The following PCDH9 variants were observed in gnomAD, a reference collection of about 807,000 sequenced individuals.
The protein encoded by PCDH9 is protocadherin 9.
A neutral mutation model predicts 70.6 loss-of-function variants in PCDH9; 24 were observed. That is an observed-to-expected ratio of 0.34 (90% CI 0.25 to 0.48). The LOEUF is 0.48. Ranked by LOEUF, PCDH9 falls within the 20% of genes least tolerant of loss-of-function variation. The probability of loss-of-function intolerance (pLI) is 0.99; values close to 1 mark genes in which losing one functional copy is unlikely to be tolerated. For synonymous variants in PCDH9, 562 were observed against 558.5 expected (o/e 1.01, Z -0.09); for missense variants, 1,281 against 1,503.6 (o/e 0.85, Z 2.45).
chr13:67,129,470 T>C (rs1426830752), intron 2 of PCDH9, among the ~76,000 whole-genome samples: 1 of 152,100 alleles, frequency 6.6e-6, no homozygotes, highest in African/African-American at 2.4e-5. Flanking sequence ...TTCAACTCCA[T>C]ATTTTGAGTC....
At chr13:66,524,770 A>G (rs1960140977) in intron 4 of PCDH9, among the ~76,000 whole-genome samples, 1 of 152,088 alleles carries the variant, frequency 6.6e-6, no homozygotes, top group South Asian at 2.1e-4. Context: ...ACACAAGCCA[A>G]TATGTTGCCG....
intron 2 of PCDH9, among the ~76,000 whole-genome samples, chr13:66,927,851 C>T (rs973165217): frequency 3.3e-5 from 5 of 152,020 alleles, no homozygotes; most frequent in African/African-American, 1.2e-4. Context: ...TACTTGGGGT[C>T]AAAACTTCAA....
chr13:66,964,763 T>C (rs1357305822), intron 2 of PCDH9, among the ~76,000 whole-genome samples: 2 of 152,016 alleles, frequency 1.3e-5, no homozygotes, highest in African/African-American at 4.8e-5. Flanking sequence ...CTAGAACAAA[T>C]ACCTATACAT....
At chr13:66,788,586 C>T (rs544333593) in intron 3 of PCDH9, among the ~76,000 whole-genome samples, 1 of 151,532 alleles carries the variant, frequency 6.6e-6, no homozygotes, top group African/African-American at 2.4e-5. Context: ...CACTGACTTC[C>T]ACTCTGAATT....
At chr13:66,982,268 C>T (rs2083789430) in intron 2 of PCDH9, among the ~76,000 whole-genome samples, 1 of 152,172 alleles carries the variant, frequency 6.6e-6, no homozygotes, top group South Asian at 2.1e-4. Context: ...GTGCTTGAGC[C>T]AGTTAAACCT....
chr13:67,204,638 G>A (rs2089295851), intron 2 of PCDH9: 1 of 152,160 alleles, frequency 6.6e-6, no homozygotes, highest in Non-Finnish European at 1.5e-5. Flanking sequence ...CAGTCTGCCT[G>A]CCTGTCACAA....
rs555472961 is a variant in PCDH9 at position 66,895,441 on chromosome 13, T to C, written c.3138+8063A>G. On this transcript the variant is annotated intron_variant, in intron 3 of 4. Coordinates refer to ENST00000377865, the MANE Select transcript of PCDH9 (RefSeq NM_203487.3). The stretch of plus-strand genomic sequence containing the variant: ...TCACATATATGTGGATGACTGTCAC[T>C]CCTCTCAGGGTGTCTCCAATATCCT... 1.2e-4 allele frequency among the ~76,000 whole-genome samples: 19 copies of C among 152,258 alleles called. No homozygotes were observed. In the East Asian group the frequency reaches 3.7e-3, roughly 29 times the overall value.
chr13:66,771,389 CATTTAGTCTTT>C (rs1425859989), intron 3 of PCDH9, among the ~76,000 whole-genome samples: 8 of 152,148 alleles, frequency 5.3e-5, no homozygotes, highest in Non-Finnish European at 1.2e-4. Flanking sequence ...AGATCGTTGT[CATTTAGTCTTT>C]ATTTCCCTTC....
intron 2 of PCDH9, among the ~76,000 whole-genome samples, chr13:67,103,763 T>C (rs759877604): frequency 1.3e-5 from 2 of 152,142 alleles, no homozygotes; most frequent in Non-Finnish European, 2.9e-5. Context: ...GTGGATTGCA[T>C]GGGGACTTGA....
At chr13:66,824,673 T>G (rs1245474630) in intron 3 of PCDH9, among the ~76,000 whole-genome samples, 3 of 52,710 alleles carry the variant, frequency 5.7e-5, no homozygotes, top group South Asian at 1.1e-3. Flanking sequence ...TATATATATA[T>G]ATATATATAT....
chr13:67,034,735 T>C (rs754503630), intron 2 of PCDH9, among the ~76,000 whole-genome samples: 4 of 152,006 alleles, frequency 2.6e-5, no homozygotes, highest in Non-Finnish European at 5.9e-5. Context: ...TTAAATAAAT[T>C]GTGTGTGTCA....
At chr13:66,932,233 G>A (rs762679508) in intron 2 of PCDH9, among the ~76,000 whole-genome samples, 2 of 152,080 alleles carry the variant, frequency 1.3e-5, no homozygotes, top group Non-Finnish European at 2.9e-5. Flanking sequence ...CTTGCTAGGT[G>A]TTTAATATTA....
At chr13:66,343,973 C>T (rs1439396568) in intron 4 of PCDH9, among the ~76,000 whole-genome samples, 1 of 152,074 alleles carries the variant, frequency 6.6e-6, no homozygotes, top group Non-Finnish European at 1.5e-5. Context: ...TTGTTTCATG[C>T]AGGAACATGT....
chr13:66,598,020 C>T (rs1326248196), intron 4 of PCDH9, among the ~76,000 whole-genome samples: 1 of 151,590 alleles, frequency 6.6e-6, no homozygotes, highest in Admixed American at 6.6e-5. Context: ...AAAACCACAA[C>T]AAGATATCAC....
intron 4 of PCDH9, among the ~76,000 whole-genome samples, chr13:66,423,684 A>T (rs1436475395): frequency 6.6e-6 from 1 of 152,178 alleles, no homozygotes; most frequent in African/African-American, 2.4e-5. Context: ...ATCTCAAAAC[A>T]ATAAGAGCTG....
intron 4 of PCDH9, among the ~76,000 whole-genome samples, chr13:66,614,486 T>C (rs2077331983): frequency 6.6e-6 from 1 of 152,230 alleles, no homozygotes; most frequent in Admixed American, 6.5e-5. Flanking sequence ...CTGAGTCATT[T>C]TGGCAAAATA....
intron 3 of PCDH9, among the ~76,000 whole-genome samples, chr13:66,861,471 C>G (rs887039645): frequency 6.6e-6 from 1 of 152,156 alleles, no homozygotes; most frequent in Non-Finnish European, 1.5e-5. Flanking sequence ...TTTATATATC[C>G]TCTTTCTGGT....
rs1250048117 is a variant in PCDH9 at position 66,761,402 on chromosome 13, GA to G, written c.3139-129992del. 4.6e-5 allele frequency among the ~76,000 whole-genome samples: 7 copies of G among 152,142 alleles called. No homozygotes were observed. In the South Asian group the frequency reaches 1.2e-3, roughly 27 times the overall value. ...GGATATTTATATTTCTCTGGGTTTG[GA>G]TACATCTATTCTTTTTTAAAAAATA... On this transcript the variant is annotated intron_variant, in intron 3 of 4. Transcript: ENST00000377865.
At chr13:66,441,744 T>G (rs1330746636) in intron 4 of PCDH9, among the ~76,000 whole-genome samples, 1 of 152,050 alleles carries the variant, frequency 6.6e-6, no homozygotes, top group Non-Finnish European at 1.5e-5. Context: ...AGCTTTTATT[T>G]TAACAATTTA....
Sources: gnomAD v4.1 joint callset for allele counts (sites outside exome capture counted in the v4.1 genomes callset) on GRCh38, gnomAD v4.1.1 for gene constraint, MANE v1.5 for transcripts, NCBI Gene and HGNC (gene_info 2026-07-23, HGNC 2026-07-21) for gene names.